SYNDIG1: variants seen among roughly 807,000 people sequenced by gnomAD.
SYNDIG1 encodes the protein synapse differentiation-inducing gene protein 1.
SYNDIG1 carries 9 observed loss-of-function variants against 19.4 expected under a neutral mutation model. The observed-to-expected ratio is 0.46, with a 90% confidence interval of 0.28 to 0.81. The LOEUF (loss-of-function observed/expected upper bound fraction) is 0.81. Ranked by LOEUF, SYNDIG1 falls within the 30% of genes least tolerant of loss-of-function variation. The pLI is 0.12. For synonymous variants in SYNDIG1, 141 were observed against 145.9 expected, an observed-to-expected ratio of 0.97 and a Z score of 0.24; for missense variants, 311 against 343.3, an observed-to-expected ratio of 0.91 and a Z score of 0.74.
At chr20:24,566,813 G>T (rs1286153960) in intron 2 of SYNDIG1, among the ~76,000 whole-genome samples, 1 of 152,224 alleles carries the variant, frequency 6.6e-6, no homozygotes, top group Non-Finnish European at 1.5e-5. Context: ...TTAAAGTGCA[G>T]CTCCCAGGGC....
chr20:24,616,521 CCTCTGCACT>C (rs1219051037), intron 3 of SYNDIG1, among the ~76,000 whole-genome samples: 1 of 152,266 alleles, frequency 6.6e-6, no homozygotes, highest in Non-Finnish European at 1.5e-5. Flanking sequence ...AAAGGCCTGC[CCTCTGCACT>C]CTCAGCCACC....
chr20:24,562,329 A>G (rs1258017875), intron 2 of SYNDIG1, among the ~76,000 whole-genome samples: 1 of 152,264 alleles, frequency 6.6e-6, no homozygotes, highest in Non-Finnish European at 1.5e-5. Context: ...CATTGAGGGC[A>G]TGCCAAATAC....
At chr20:24,571,293 G>T (rs1358454594) in intron 2 of SYNDIG1, among the ~76,000 whole-genome samples, 2 of 152,144 alleles carry the variant, frequency 1.3e-5, no homozygotes, top group African/African-American at 4.8e-5. Context: ...TCCGATTAAG[G>T]TCTGTGGTTT....
intron 2 of SYNDIG1, among the ~76,000 whole-genome samples, chr20:24,557,134 C>T (rs985664278): frequency 1.8e-4 from 28 of 152,284 alleles, no homozygotes; most frequent in African/African-American, 4.8e-4. Context: ...ATGTAGTTCT[C>T]GAGCCTTGGC....
chr20:24,584,467 C>T (rs2058380026), intron 2 of SYNDIG1, among the ~76,000 whole-genome samples: 1 of 152,228 alleles, frequency 6.6e-6, no homozygotes, highest in Admixed American at 6.5e-5. Context: ...GCCAGTTCTG[C>T]AGGTGGCTTC....
chr20:24,471,533 G>C (rs1417559403), intron 1 of SYNDIG1, among the ~76,000 whole-genome samples: 2 of 150,186 alleles, frequency 1.3e-5, no homozygotes, highest in African/African-American at 4.9e-5. Context: ...GTAGCTGATC[G>C]GCGCCCTCTC....
rs1280705652 is a variant in SYNDIG1 at position 24,661,520 on chromosome 20, AG to A, written c.619-3823del. 1.8e-4 allele frequency among the ~76,000 whole-genome samples: 3 copies of A among 16,864 alleles called. No homozygotes were observed. In the Admixed American group the frequency reaches 2.2e-3, roughly 12 times the overall value. The allele number at this position is 16,864 out of a possible 152,430, so 11.1% of individuals were successfully genotyped here. ...GGGAGGGAAGAGGGAGGAAGGAGGG[AG>A]GGAGGAAAAAAGGAGGAAGGAGGGA... On this transcript the variant is annotated intron_variant, in intron 3 of 3. Coordinates refer to ENST00000376862, the MANE Select transcript of SYNDIG1 (RefSeq NM_024893.3).
At chr20:24,477,248 C>A (rs2055654660) in intron 1 of SYNDIG1, among the ~76,000 whole-genome samples, 1 of 152,228 alleles carries the variant, frequency 6.6e-6, no homozygotes, top group Non-Finnish European at 1.5e-5. Context: ...TGGCACAGGG[C>A]TGCTTAGTGA....
At chr20:24,483,918 G>A (rs2055876281) in intron 1 of SYNDIG1, among the ~76,000 whole-genome samples, 1 of 152,156 alleles carries the variant, frequency 6.6e-6, no homozygotes. Context: ...GCCAAGACTC[G>A]GAATGCGAAA....
chr20:24,584,969 C>A lies in SYNDIG1; in HGVS notation c.594C>A (p.Ile198=). ...TCTGCTGCTTCTGGCCTCTGGGCATCGCAGCCTTCTACTTGTCCCATGAGG... is the reference window on the plus strand; with the variant it reads ...TCTGCTGCTTCTGGCCTCTGGGCATAGCAGCCTTCTACTTGTCCCATGAGG... ...SMLCCFWPLG[I]AAFYLSHETN... Residue 198 remains isoleucine, a synonymous_variant, in exon 3 of 4, where the codon ATC becomes ATA. Coordinates refer to ENST00000376862, the MANE Select transcript of SYNDIG1 (RefSeq NM_024893.3). 1 of 1,613,354 alleles carries A rather than the reference C, an allele frequency of 6.2e-7. No homozygotes were observed. The highest frequency in any genetic ancestry group is 8.5e-7 in the Non-Finnish European group (1 of 1,179,846).
chr20:24,482,711 A>G (rs952944046), intron 1 of SYNDIG1, among the ~76,000 whole-genome samples: 2 of 152,264 alleles, frequency 1.3e-5, no homozygotes, highest in Admixed American at 6.5e-5. Context: ...TGATGTTCTT[A>G]AAATAATGAT....
chr20:24,526,174 A>G (rs902844226), intron 1 of SYNDIG1, among the ~76,000 whole-genome samples: 2 of 152,214 alleles, frequency 1.3e-5, no homozygotes, highest in African/African-American at 4.8e-5. Flanking sequence ...CAAACTAACA[A>G]TTTATTTTAA....
intron 2 of SYNDIG1, among the ~76,000 whole-genome samples, chr20:24,568,919 C>T (rs1469307870): frequency 1.5e-4 from 23 of 152,182 alleles, no homozygotes; most frequent in Admixed American, 1.5e-3. Flanking sequence ...CTGGGCTTCT[C>T]AGAGATGGTG....
chr20:24,611,895 G>A (rs2058854132), intron 3 of SYNDIG1, among the ~76,000 whole-genome samples: 1 of 152,210 alleles, frequency 6.6e-6, no homozygotes, highest in Non-Finnish European at 1.5e-5. Context: ...TAATTCAGGT[G>A]TTCTAAAATA....
intron 3 of SYNDIG1, among the ~76,000 whole-genome samples, chr20:24,649,957 A>G (rs1456861149): frequency 6.6e-6 from 1 of 152,250 alleles, no homozygotes; most frequent in African/African-American, 2.4e-5. Flanking sequence ...ATTGCTCCCT[A>G]TGGCATACAC....
intron 1 of SYNDIG1, among the ~76,000 whole-genome samples, chr20:24,539,539 A>G (rs1396441927): frequency 1.3e-5 from 2 of 152,154 alleles, no homozygotes; most frequent in Non-Finnish European, 2.9e-5. Flanking sequence ...GAGTACTCCT[A>G]CTTTGTTCTA....
At chr20:24,539,448 G>T (rs905367599) in intron 1 of SYNDIG1, among the ~76,000 whole-genome samples, 2 of 152,094 alleles carry the variant, frequency 1.3e-5, no homozygotes, top group African/African-American at 4.8e-5. Flanking sequence ...TTATTCACTT[G>T]GTCTATATGT....
intron 1 of SYNDIG1, among the ~76,000 whole-genome samples, chr20:24,470,269 C>T (rs1035518183): frequency 6.6e-6 from 1 of 152,198 alleles, no homozygotes; most frequent in African/African-American, 2.4e-5. Flanking sequence ...GGACCTAGGT[C>T]TGTTTGGGAG....
At chr20:24,554,646 G>A (rs1249136800) in intron 2 of SYNDIG1, among the ~76,000 whole-genome samples, 1 of 152,138 alleles carries the variant, frequency 6.6e-6, no homozygotes, top group Non-Finnish European at 1.5e-5. Flanking sequence ...GCATCCCAGG[G>A]ATGAAGCCCA....
Sources: gnomAD v4.1 joint callset for allele counts (sites outside exome capture counted in the v4.1 genomes callset) on GRCh38, gnomAD v4.1.1 for gene constraint, MANE v1.5 for transcripts, NCBI Gene and HGNC (gene_info 2026-07-23, HGNC 2026-07-21) for gene names.